Variants in ZNF385B observed in about 807,000 individuals in gnomAD.
ZNF385B encodes the protein zinc finger protein 533.
In ZNF385B, 23 loss-of-function variants were observed where a neutral mutation model predicts 39.2. That is an observed-to-expected ratio of 0.59 (90% confidence interval 0.42 to 0.83). The LOEUF (loss-of-function observed/expected upper bound fraction) is 0.83. ZNF385B is among the 40% of genes least tolerant of loss of function. ZNF385B has a pLI of 0.00. For missense variants in ZNF385B, 552 were observed against 598.9 expected, an observed-to-expected ratio of 0.92 and a Z score of 0.82; for synonymous variants, 205 against 222.6, an observed-to-expected ratio of 0.92 and a Z score of 0.70.
At chr2:179,831,303 C>T (rs1707970746) in intron 1 of ZNF385B, among the ~76,000 whole-genome samples, 1 of 152,036 alleles carries the variant, frequency 6.6e-6, no homozygotes, top group South Asian at 2.1e-4. Flanking sequence ...GGTAGGTATC[C>T]TTGTTTTCTA....
At chr2:179,623,965 G>C (rs1690443727) in intron 3 of ZNF385B, among the ~76,000 whole-genome samples, 1 of 152,110 alleles carries the variant, frequency 6.6e-6, no homozygotes, top group African/African-American at 2.4e-5. Context: ...GCTTTCATCT[G>C]CAACCATATT....
intron 3 of ZNF385B, among the ~76,000 whole-genome samples, chr2:179,645,765 A>G (rs975353524): frequency 2.6e-5 from 4 of 152,132 alleles, no homozygotes; most frequent in African/African-American, 9.7e-5. Context: ...GAAGTCCTAT[A>G]GGGCAGGGCT....
chr2:179,446,921 C>T (rs1353417380), intron 6 of ZNF385B, 151 bp from the exon 7 acceptor site: 7 of 954,674 alleles, frequency 7.3e-6, no homozygotes, highest in African/African-American at 3.4e-5. Flanking sequence ...AAATCAACCT[C>T]TATGTTTAAA....
chr2:179,517,224 G>T (rs773587389), intron 5 of ZNF385B, among the ~76,000 whole-genome samples: 1 of 151,670 alleles, frequency 6.6e-6, no homozygotes, highest in African/African-American at 2.4e-5. Context: ...GACTATTCTA[G>T]GGCTTTTCTT....
intron 1 of ZNF385B, among the ~76,000 whole-genome samples, chr2:179,841,378 G>C (rs1233637974): frequency 6.6e-6 from 1 of 152,200 alleles, no homozygotes; most frequent in Non-Finnish European, 1.5e-5. Flanking sequence ...AGCCCTGATG[G>C]AGGAAAAGGA....
At chr2:179,472,995 A>C (rs1015430947) in intron 6 of ZNF385B, among the ~76,000 whole-genome samples, 3 of 152,212 alleles carry the variant, frequency 2.0e-5, no homozygotes, top group Non-Finnish European at 4.4e-5. Context: ...TATTCTAGGG[A>C]GGGCACCAGA....
At chr2:179,754,360 T>C (rs542482958) in intron 3 of ZNF385B, among the ~76,000 whole-genome samples, 9 of 152,346 alleles carry the variant, frequency 5.9e-5, no homozygotes, top group African/African-American at 9.6e-5. Flanking sequence ...GATTTTTGCA[T>C]TGATATTCAT....
At chr2:179,549,105 T>C (rs1270928960) in intron 3 of ZNF385B, among the ~76,000 whole-genome samples, 2 of 149,482 alleles carry the variant, frequency 1.3e-5, no homozygotes, top group Non-Finnish European at 3.0e-5. Context: ...TCTGACATAA[T>C]GTTTTTGAGG....
chr2:179,735,928 T>C (rs1701722538), intron 3 of ZNF385B, among the ~76,000 whole-genome samples: 1 of 149,896 alleles, frequency 6.7e-6, no homozygotes, highest in Non-Finnish European at 1.5e-5. Flanking sequence ...ATATACCTAA[T>C]GCTAGATGAC....
chr2:179,579,604 C>A (rs1294541210), intron 3 of ZNF385B, among the ~76,000 whole-genome samples: 4 of 151,964 alleles, frequency 2.6e-5, no homozygotes, highest in East Asian at 3.9e-4. Flanking sequence ...TCAATAAAAT[C>A]CATATCATAA....
rs909738620 is a variant in ZNF385B, at chr2:179,663,500, G to C, written c.298+106003C>G. On this transcript the variant is annotated intron_variant, in intron 3 of 9. Transcript: ENST00000410066. ...CCGAGGCAGGCGGATCATGAGGTCA[G>C]GAGATCGAGACCATCCTGGCTAACA... Among the ~76,000 whole-genome samples, 40 of 152,062 alleles carry C rather than the reference G, an allele frequency of 2.6e-4. 1 individual carries two copies. Among genetic ancestry groups the C allele is most frequent in the African/African-American group, 9.7e-4 (40 of 41,396 alleles).
At chr2:179,836,964 T>G (rs1463420644) in intron 1 of ZNF385B, among the ~76,000 whole-genome samples, 1 of 152,142 alleles carries the variant, frequency 6.6e-6, no homozygotes, top group African/African-American at 2.4e-5. Flanking sequence ...AGAAAAGCAT[T>G]AAACGATCAG....
chr2:179,655,159 A>G (rs953399770), intron 3 of ZNF385B, among the ~76,000 whole-genome samples: 5 of 152,162 alleles, frequency 3.3e-5, no homozygotes, highest in Admixed American at 3.3e-4. Flanking sequence ...TGTGTTGCCT[A>G]CATACAGTAT....
chr2:179,782,571 A>G (rs1342011480), intron 1 of ZNF385B, among the ~76,000 whole-genome samples: 1 of 152,210 alleles, frequency 6.6e-6, no homozygotes, highest in Non-Finnish European at 1.5e-5. Flanking sequence ...ATGATTCTAT[A>G]TCTAGAAAAC....
intron 5 of ZNF385B, among the ~76,000 whole-genome samples, chr2:179,487,414 C>T (rs1305713725): frequency 6.6e-6 from 1 of 152,216 alleles, no homozygotes; most frequent in African/African-American, 2.4e-5. Flanking sequence ...TTAGTAGTGG[C>T]ACTTTGCTAT....
At chr2:179,658,822 G>A (rs565836307) in intron 3 of ZNF385B, among the ~76,000 whole-genome samples, 21 of 152,116 alleles carry the variant, frequency 1.4e-4, no homozygotes, top group African/African-American at 4.8e-4. Context: ...TCGTTTCCCA[G>A]GCTGGAGTGC....
intron 3 of ZNF385B, among the ~76,000 whole-genome samples, chr2:179,564,132 G>A (rs1481737048): frequency 6.6e-6 from 1 of 152,124 alleles, no homozygotes; most frequent in Non-Finnish European, 1.5e-5. Flanking sequence ...CCTCACTCCA[G>A]ATCTACAGAA....
chr2:179,725,908 G>GTA (rs200614511), intron 3 of ZNF385B, among the ~76,000 whole-genome samples: 1,623 of 110,908 alleles, frequency 0.015, 13 homozygotes, highest in African/African-American at 0.038. Flanking sequence ...GTGTTTGTGT[G>GTA]TGTATATATA....
At position 179,769,788 on chromosome 2, in the gene ZNF385B, A is replaced by C; in HGVS notation, c.13T>G (p.Leu5Val). Residue 5 changes from leucine to valine, a missense_variant, in exon 3 of 10, where the codon TTA (leucine) becomes GTA (valine). Physicochemically the swap from Leu to Val is conservative, Grantham distance 32. Transcript: ENST00000410066. ...TCTTCAAGATGGTTGTCAGGGCTTA[A>C]GGAGTACCTCATGCCTGAAAAACAA... MRYS[L>V]SPDNHLEDGI... 6.2e-7 allele frequency: 1 copy of C among 1,610,874 alleles called. No homozygotes were observed.
Sources: allele counts gnomAD v4.1 joint callset (sites outside exome capture counted in the v4.1 genomes callset), GRCh38; gene constraint gnomAD v4.1.1; transcripts MANE v1.5; gene names NCBI Gene and HGNC (gene_info 2026-07-23, HGNC 2026-07-21).